SORCS3: variants seen among roughly 807,000 people sequenced by gnomAD.
SORCS3 encodes sortilin related VPS10 domain containing receptor 3, also known as VPS10 domain-containing receptor SorCS3.
Under a neutral mutation model 146.3 loss-of-function variants are expected in SORCS3, and 57 were observed. The ratio of observed to expected loss-of-function variants is 0.39; its 90% CI spans 0.31 to 0.49. The LOEUF is 0.49. SORCS3 is among the 20% of genes least tolerant of loss of function. The pLI is 0.92. For synonymous variants in SORCS3, 653 were observed against 618.5 expected, an observed-to-expected ratio of 1.06 and a Z score of -0.83; for missense variants, 1,341 against 1,575.5, an observed-to-expected ratio of 0.85 and a Z score of 2.52.
At chr10:105,245,778 A>G (rs1564794685) in intron 21 of SORCS3, 113 bp downstream of exon 21, 8 of 1,307,618 alleles carry the variant, frequency 6.1e-6, no homozygotes, top group Non-Finnish European at 8.3e-6. Flanking sequence ...TGGGAAAATT[A>G]CATAGGTCAA....
intron 8 of SORCS3, among the ~76,000 whole-genome samples, chr10:105,145,959 T>A (rs1329312251): frequency 1.3e-5 from 2 of 152,048 alleles, no homozygotes; most frequent in East Asian, 3.9e-4. Context: ...ATTACAGACA[T>A]TGCTGTTTCT....
intron 7 of SORCS3, among the ~76,000 whole-genome samples, chr10:105,137,353 C>A (rs2056065835): frequency 6.6e-6 from 1 of 152,014 alleles, no homozygotes; most frequent in Admixed American, 6.6e-5. Flanking sequence ...GCTTTGTCAT[C>A]AGGTATAAGG....
intron 1 of SORCS3, among the ~76,000 whole-genome samples, chr10:104,663,293 C>T (rs1337831141): frequency 6.6e-6 from 1 of 152,140 alleles, no homozygotes; most frequent in Non-Finnish European, 1.5e-5. Flanking sequence ...CTTTCATGGG[C>T]ACTTGCTTGC....
At chr10:104,821,511 A>G (rs2017872806) in intron 1 of SORCS3, among the ~76,000 whole-genome samples, 1 of 152,198 alleles carries the variant, frequency 6.6e-6, no homozygotes, top group South Asian at 2.1e-4. Flanking sequence ...GAGCAACTAA[A>G]TAGGCTAAAA....
At chr10:105,166,442 G>A (rs991747566) in intron 12 of SORCS3, among the ~76,000 whole-genome samples, 3 of 152,138 alleles carry the variant, frequency 2.0e-5, no homozygotes, top group Non-Finnish European at 4.4e-5. Flanking sequence ...TCCTGTTTAA[G>A]GTTGGAGATA....
At chr10:105,025,592 G>A (rs1192282319) in intron 4 of SORCS3, among the ~76,000 whole-genome samples, 1 of 152,036 alleles carries the variant, frequency 6.6e-6, no homozygotes, top group African/African-American at 2.4e-5. Context: ...TCTCACTCCA[G>A]TGCTCTTTCT....
intron 1 of SORCS3, among the ~76,000 whole-genome samples, chr10:104,818,791 C>T (rs1351356042): frequency 3.9e-5 from 6 of 152,142 alleles, no homozygotes; most frequent in Admixed American, 3.9e-4. Context: ...GGGAAATTTG[C>T]AGAGGTGTGA....
intron 8 of SORCS3, among the ~76,000 whole-genome samples, chr10:105,146,123 A>G (rs1172435000): frequency 6.6e-6 from 1 of 151,952 alleles, no homozygotes; most frequent in Non-Finnish European, 1.5e-5. Context: ...TCTGCTATCT[A>G]TTACTCTTTG....
In SORCS3 at chr10:104,964,235, TG is replaced by T. The variant is rs147542180; in HGVS notation, c.796-13097del. 7.7e-3 allele frequency among the ~76,000 whole-genome samples: 1,176 copies of T among 152,338 alleles called. 10 individuals are homozygous for T. Among genetic ancestry groups the T allele is most frequent in the Middle Eastern group, 0.014 (4 of 294 alleles). ...AAGCCAGAGTCCTTATATCAATGCC[TG>T]GGTCTGCGTTTCCTTGCTGACCTCA... On this transcript the variant is annotated intron_variant, in intron 3 of 26. Coordinates refer to ENST00000369701, the MANE Select transcript of SORCS3 (RefSeq NM_014978.3).
At chr10:104,969,843 T>G (rs1350369759) in intron 3 of SORCS3, among the ~76,000 whole-genome samples, 1 of 144,270 alleles carries the variant, frequency 6.9e-6, no homozygotes, top group Non-Finnish European at 1.5e-5. Flanking sequence ...CAAGTGGGCT[T>G]GTGTGTGTCT....
At chr10:105,122,746 C>A (rs140202963) in intron 7 of SORCS3, among the ~76,000 whole-genome samples, 2 of 151,104 alleles carry the variant, frequency 1.3e-5, no homozygotes, top group Non-Finnish European at 3.0e-5. Context: ...TGCTTCCCAG[C>A]GTGAGGGAGA....
At chr10:104,652,653 T>C (rs1390835880) in intron 1 of SORCS3, among the ~76,000 whole-genome samples, 1 of 152,208 alleles carries the variant, frequency 6.6e-6, no homozygotes, top group Non-Finnish European at 1.5e-5. Context: ...CCAAGATTCT[T>C]ATTCCAGGCG....
intron 6 of SORCS3, 66 bp from the exon 7 acceptor site, chr10:105,105,331 A>T: frequency 1.0e-6 from 1 of 983,364 alleles, no homozygotes; most frequent in Non-Finnish European, 1.6e-6. Flanking sequence ...AGAGTTTTGT[A>T]TGCTACCTGG....
intron 3 of SORCS3, among the ~76,000 whole-genome samples, chr10:104,947,542 C>T (rs943320894): frequency 2.0e-5 from 3 of 152,132 alleles, no homozygotes; most frequent in Non-Finnish European, 2.9e-5. Context: ...ATACATCATC[C>T]GCGCAGGCTC....
At chr10:105,255,934 T>C (rs2056928950) in intron 24 of SORCS3, 133 bp downstream of exon 24, 1 of 671,550 alleles carries the variant, frequency 1.5e-6, no homozygotes. Context: ...TTTGTAGTTA[T>C]GGTTCAGAAG....
intron 1 of SORCS3, among the ~76,000 whole-genome samples, chr10:104,643,882 C>T (rs2015460391): frequency 6.6e-6 from 1 of 152,122 alleles, no homozygotes; most frequent in South Asian, 2.1e-4. Context: ...TAAATTCACC[C>T]TCCCTGAAGA....
intron 1 of SORCS3, among the ~76,000 whole-genome samples, chr10:104,691,818 A>AAG (rs2016116545): frequency 6.6e-6 from 1 of 152,044 alleles, no homozygotes; most frequent in Non-Finnish European, 1.5e-5. Context: ...ATAGCTCACC[A>AAG]TAACTTCAAA....
chr10:104,897,562 A>T (rs1461563698), intron 2 of SORCS3, among the ~76,000 whole-genome samples: 1 of 152,354 alleles, frequency 6.6e-6, no homozygotes, highest in African/African-American at 2.4e-5. Flanking sequence ...CACATTGAAA[A>T]GCTGTATGTT....
chr10:104,947,728 T>C (rs983602260), intron 3 of SORCS3, among the ~76,000 whole-genome samples: 2 of 152,166 alleles, frequency 1.3e-5, no homozygotes, highest in Admixed American at 1.3e-4. Context: ...GTTCAAGCTG[T>C]TCTCCTGCCT....
Sources: allele counts gnomAD v4.1 joint callset (sites outside exome capture counted in the v4.1 genomes callset), GRCh38; gene constraint gnomAD v4.1.1; transcripts MANE v1.5; gene names NCBI Gene and HGNC (gene_info 2026-07-23, HGNC 2026-07-21).